TOX: variants seen among roughly 807,000 people sequenced by gnomAD.
TOX encodes thymocyte selection associated high mobility group box.
A neutral mutation model predicts 53.7 loss-of-function variants in TOX; 11 were observed. That is an observed-to-expected ratio of 0.20 (90% CI 0.13 to 0.34). The LOEUF (loss-of-function observed/expected upper bound fraction) is 0.34. TOX is among the 10% of genes least tolerant of loss of function. TOX has a pLI of 1.00. For missense variants in TOX, 570 were observed against 664.6 expected (o/e 0.86, Z 1.56); for synonymous variants, 225 against 245.3 (o/e 0.92, Z 0.77).
chr8:58,964,616 G>A (rs1185258616), intron 1 of TOX, among the ~76,000 whole-genome samples: 1 of 152,194 alleles, frequency 6.6e-6, no homozygotes, highest in Admixed American at 6.5e-5. Flanking sequence ...AAGTGTGCTT[G>A]TAGAATGAGG....
chr8:59,115,187 C>T (rs189004395), intron 1 of TOX, among the ~76,000 whole-genome samples: 160 of 152,056 alleles, frequency 1.1e-3, no homozygotes, highest in African/African-American at 3.7e-3. Context: ...CAGTGAAGCC[C>T]ATTATTTCTC....
chr8:59,118,954 G>A lies in TOX; in HGVS notation c.34C>T (p.Pro12Ser). ...CAGGGAGCGTCGGGCGCAGCGGCGGGCTGGGCTGGAGGTGGATAAAATCTT... is the reference window on the plus strand; with the variant it reads ...CAGGGAGCGTCGGGCGCAGCGGCGGACTGGGCTGGAGGTGGATAAAATCTT... ...DVRFYPPPAQ[P>S]AAAPDAPCLG... Residue 12 changes from proline to serine, a missense_variant, in exon 1 of 9, where the codon CCC (proline) becomes TCC (serine). Coordinates refer to ENST00000361421, the MANE Select transcript of TOX (RefSeq NM_014729.3). This position sits in a 1 kb window ranked among gnomAD's most constrained non-coding sequence, Gnocchi z 4.1. The A allele has an allele frequency of 6.2e-7, 1 of 1,603,116 alleles. No individual in the cohort carries two copies. Among genetic ancestry groups the A allele is most frequent in the East Asian group, 2.3e-5 (1 of 43,064 alleles).
chr8:58,944,684 T>C (rs556384979), intron 2 of TOX, among the ~76,000 whole-genome samples: 1 of 152,278 alleles, frequency 6.6e-6, no homozygotes, highest in South Asian at 2.1e-4. Flanking sequence ...AACAAAAACA[T>C]ATGTAAAAAG....
intron 1 of TOX, among the ~76,000 whole-genome samples, chr8:58,964,684 TG>T (rs1812861267): frequency 6.6e-6 from 1 of 152,196 alleles, no homozygotes; most frequent in African/African-American, 2.4e-5. Flanking sequence ...GACTTTGTAT[TG>T]TTTATAAGGT....
In TOX at chr8:58,961,982, G is replaced by A. The variant is rs564924048; in HGVS notation, c.103-1974C>T. Among the ~76,000 whole-genome samples the A allele has an allele frequency of 3.9e-5, 6 of 152,192 alleles. No homozygotes were observed. The East Asian group carries it at 7.7e-4, about 20-fold the overall frequency. Reference sequence around the variant, plus strand: ...TTTCATGTTAAGGTGCCAAGGAACCGTTTAAAATATGGACAGTTTCTCTGA... The same window carrying A: ...TTTCATGTTAAGGTGCCAAGGAACCATTTAAAATATGGACAGTTTCTCTGA... On this transcript the variant is annotated intron_variant, in intron 1 of 8. Coordinates refer to ENST00000361421, the MANE Select transcript of TOX (RefSeq NM_014729.3).
chr8:59,067,661 G>T (rs1409900077), intron 1 of TOX, among the ~76,000 whole-genome samples: 4 of 151,852 alleles, frequency 2.6e-5, no homozygotes, highest in African/African-American at 9.7e-5. Context: ...TTCGTAAATG[G>T]CAGAGATAGG....
chr8:58,895,189 AAAAT>A (rs1811622667), intron 3 of TOX, among the ~76,000 whole-genome samples: 1 of 152,212 alleles, frequency 6.6e-6, no homozygotes, highest in Non-Finnish European at 1.5e-5. Context: ...CTCTGTCTCC[AAAAT>A]AAATAGATAG....
chr8:58,825,467 C>A (rs1408388667), intron 6 of TOX, among the ~76,000 whole-genome samples: 2 of 152,186 alleles, frequency 1.3e-5, no homozygotes, highest in Admixed American at 1.3e-4. Context: ...TCTGAGGACA[C>A]TTGTTTTGAA....
chr8:59,104,714 A>G, intron 1 of TOX, among the ~76,000 whole-genome samples: 1 of 152,234 alleles, frequency 6.6e-6, no homozygotes, highest in East Asian at 1.9e-4. Flanking sequence ...ATCATAGATC[A>G]TTTTATAAAA....
intron 1 of TOX, among the ~76,000 whole-genome samples, chr8:59,080,268 A>C (rs1038582594): frequency 6.6e-6 from 1 of 152,114 alleles, no homozygotes; most frequent in East Asian, 1.9e-4. Flanking sequence ...GGCGTGAGCC[A>C]CTGCACCCAG....
At chr8:58,954,820 G>A (rs2129177963) in intron 2 of TOX, among the ~76,000 whole-genome samples, 1 of 152,328 alleles carries the variant, frequency 6.6e-6, no homozygotes, top group African/African-American at 2.4e-5. Context: ...AATGACAAGG[G>A]AGACTCCCCA....
At chr8:59,067,903 T>C (rs1165124201) in intron 1 of TOX, among the ~76,000 whole-genome samples, 1 of 152,202 alleles carries the variant, frequency 6.6e-6, no homozygotes, top group African/African-American at 2.4e-5. Context: ...TATCTGTCAT[T>C]CCATTTCTGA....
intron 1 of TOX, among the ~76,000 whole-genome samples, chr8:59,003,837 G>A (rs969200634): frequency 1.3e-5 from 2 of 152,120 alleles, no homozygotes; most frequent in Non-Finnish European, 2.9e-5. Context: ...ATTTGTTTAA[G>A]CACAAACATG....
At chr8:58,879,435 C>A (rs180896639) in intron 3 of TOX, among the ~76,000 whole-genome samples, 1 of 152,164 alleles carries the variant, frequency 6.6e-6, no homozygotes, top group Non-Finnish European at 1.5e-5. Context: ...AGAAGCATTA[C>A]CACATTTCAA....
chr8:58,918,722 A>G (rs1357431088), intron 3 of TOX, among the ~76,000 whole-genome samples: 1 of 65,340 alleles, frequency 1.5e-5, no homozygotes, highest in African/African-American at 6.4e-5. Context: ...AGGCAGGAGA[A>G]GGAAATAAAG....
At chr8:58,922,298 A>G (rs1038707254) in intron 3 of TOX, among the ~76,000 whole-genome samples, 7 of 152,200 alleles carry the variant, frequency 4.6e-5, no homozygotes, top group African/African-American at 1.7e-4. Context: ...AGGCAAAGAT[A>G]AGACGTAACG....
chr8:59,022,070 T>C (rs188283282), intron 1 of TOX, among the ~76,000 whole-genome samples: 20 of 152,298 alleles, frequency 1.3e-4, no homozygotes, highest in Admixed American at 1.1e-3. Flanking sequence ...AGTGTCACCA[T>C]TTTTAATTAG....
chr8:58,940,451 G>A lies in TOX; in HGVS notation c.169-907C>T, dbSNP rs902554048. 3.3e-5 allele frequency among the ~76,000 whole-genome samples: 5 copies of A among 151,948 alleles called. No homozygotes were observed. The East Asian group carries it at 7.7e-4, about 23-fold the overall frequency. On this transcript the variant is annotated intron_variant, in intron 2 of 8. Coordinates refer to ENST00000361421, the MANE Select transcript of TOX (RefSeq NM_014729.3). Reference sequence around the variant, plus strand: ...CTGTTTGAAATGGAATGTGGTAAATGTTGAAAAATACATGGAAGAAATAAA... The same window carrying A: ...CTGTTTGAAATGGAATGTGGTAAATATTGAAAAATACATGGAAGAAATAAA...
chr8:59,040,819 G>GCCCCGCCTCTCTGA (rs1190867217), intron 1 of TOX, among the ~76,000 whole-genome samples: 2 of 152,178 alleles, frequency 1.3e-5, no homozygotes, highest in Admixed American at 6.5e-5. Flanking sequence ...GCTTGGGATG[G>GCCCCGCCTCTCTGA]CCCCGCCTCT....
Sources: gnomAD v4.1 joint callset for allele counts (sites outside exome capture counted in the v4.1 genomes callset) on GRCh38, gnomAD v4.1.1 for gene constraint, Gnocchi (gnomAD v3.1) non-coding constraint, MANE v1.5 for transcripts, NCBI Gene and HGNC (gene_info 2026-07-23, HGNC 2026-07-21) for gene names.